The following LRRC8B variants were observed in gnomAD, a reference collection of about 807,000 sequenced individuals.
The protein encoded by LRRC8B is volume-regulated anion channel subunit LRRC8B.
A neutral mutation model predicts 58.8 loss-of-function variants in LRRC8B; 23 were observed. That is an observed-to-expected ratio of 0.39 (90% CI 0.28 to 0.55). The LOEUF (loss-of-function observed/expected upper bound fraction) is 0.55. Among genes scored for constraint, LRRC8B ranks in the 20% least tolerant of loss-of-function variants. The pLI is 0.62. For synonymous variants in LRRC8B, 359 were observed against 374.1 expected (o/e 0.96, Z 0.47); for missense variants, 694 against 936.0 (o/e 0.74, Z 3.37).
At chr1:89,564,846 G>A (rs1652932925) in intron 1 of LRRC8B, among the ~76,000 whole-genome samples, 1 of 152,170 alleles carries the variant, frequency 6.6e-6, no homozygotes, top group Non-Finnish European at 1.5e-5. Flanking sequence ...CATCTTTTGT[G>A]TTTAATAGTC....
At chr1:89,580,165 G>A (rs918918958) in intron 4 of LRRC8B, among the ~76,000 whole-genome samples, 2 of 152,106 alleles carry the variant, frequency 1.3e-5, no homozygotes, top group Non-Finnish European at 2.9e-5. Flanking sequence ...ATAAATTCTC[G>A]GGCTCACCTA....
chr1:89,563,285 C>T (rs1267223045), intron 1 of LRRC8B, among the ~76,000 whole-genome samples: 1 of 152,106 alleles, frequency 6.6e-6, no homozygotes, highest in East Asian at 1.9e-4. Context: ...TATTGTTGTA[C>T]AACCATGATT....
At chr1:89,581,665 A>G (rs969692534) in intron 4 of LRRC8B, among the ~76,000 whole-genome samples, 1 of 152,246 alleles carries the variant, frequency 6.6e-6, no homozygotes, top group Non-Finnish European at 1.5e-5. Context: ...CCTGAAGGCA[A>G]AAGTAATTTA....
intron 3 of LRRC8B, among the ~76,000 whole-genome samples, chr1:89,569,274 G>T (rs774307479): frequency 1.3e-5 from 2 of 152,034 alleles, no homozygotes; most frequent in Non-Finnish European, 2.9e-5. Flanking sequence ...TTTCCATTCT[G>T]ACTCTTTGAG....
chr1:89,578,813 T>C (rs1654030594), intron 3 of LRRC8B, among the ~76,000 whole-genome samples: 1 of 152,182 alleles, frequency 6.6e-6, no homozygotes, highest in Non-Finnish European at 1.5e-5. Context: ...TTCTAGCATT[T>C]TACAATTTTC....
chr1:89,564,156 G>T (rs1296664417), intron 1 of LRRC8B, among the ~76,000 whole-genome samples: 1 of 152,116 alleles, frequency 6.6e-6, no homozygotes, highest in Non-Finnish European at 1.5e-5. Flanking sequence ...TAAATTGTTG[G>T]TAAATGTTTC....
Position 89,597,209 on chromosome 1 carries a change from C to A in LRRC8B, c.*4166C>A, listed in dbSNP as rs1304051576. The A allele has an allele frequency of 6.6e-6, 1 of 152,156 alleles. No homozygotes were observed. Among genetic ancestry groups the A allele is most frequent in the Admixed American group, 6.5e-5 (1 of 15,274 alleles). The allele number at this position is 152,156 out of a possible 1,614,324, so 9.4% of individuals were successfully genotyped here. On this transcript the variant is annotated 3_prime_UTR_variant, in exon 6 of 6. Transcript: ENST00000330947. ...TCTACTACATACCTTTGGTAACAGG[C>A]TACATTCTCTTCAGATTTTTTATAT...
At chr1:89,575,258 A>G (rs1454842237) in intron 3 of LRRC8B, among the ~76,000 whole-genome samples, 1 of 152,176 alleles carries the variant, frequency 6.6e-6, no homozygotes, top group Non-Finnish European at 1.5e-5. Context: ...TTTGGCCAGT[A>G]GATTTTGGTG....
At position 89,586,903 on chromosome 1, in the gene LRRC8B, A is replaced by C. The variant is rs1223170568; in HGVS notation, c.2139+2114A>C. Among the ~76,000 whole-genome samples the C allele has an allele frequency of 4.6e-5, 7 of 152,222 alleles. No individual in the cohort carries two copies. In the East Asian group the frequency reaches 1.3e-3, roughly 29 times the overall value. ...TAAAACTCATCAGAGGACAGCCACC[A>C]GGAAGATGACAACTCTGATGGAATA... is the stretch of plus-strand genomic sequence containing the variant. On this transcript the variant is annotated intron_variant, in intron 5 of 5. Coordinates refer to ENST00000330947, the MANE Select transcript of LRRC8B (RefSeq NM_001369817.2).
At chr1:89,570,668 G>C (rs912438179) in intron 3 of LRRC8B, among the ~76,000 whole-genome samples, 3 of 152,222 alleles carry the variant, frequency 2.0e-5, no homozygotes, top group Non-Finnish European at 4.4e-5. Context: ...TAGGTTGTCT[G>C]TTTACTCTGT....
intron 1 of LRRC8B, among the ~76,000 whole-genome samples, chr1:89,525,676 G>A (rs1649635296): frequency 6.6e-6 from 1 of 152,212 alleles, no homozygotes; most frequent in Admixed American, 6.5e-5. Context: ...CAGAAGGGAG[G>A]AGGCTCAGTA....
chr1:89,528,736 A>G (rs1423044818), intron 1 of LRRC8B, among the ~76,000 whole-genome samples: 2 of 152,178 alleles, frequency 1.3e-5, no homozygotes, highest in Non-Finnish European at 2.9e-5. Flanking sequence ...TATCTACCAT[A>G]TATAAGATGA....
chr1:89,530,653 C>T (rs926467118), intron 1 of LRRC8B, among the ~76,000 whole-genome samples: 4 of 152,072 alleles, frequency 2.6e-5, no homozygotes, highest in South Asian at 2.1e-4. Context: ...AAATCAGTAG[C>T]GCATAAAGCA....
intron 1 of LRRC8B, among the ~76,000 whole-genome samples, chr1:89,536,208 G>A (rs535984439): frequency 6.6e-6 from 1 of 152,284 alleles, no homozygotes; most frequent in Admixed American, 6.5e-5. Context: ...GCAGTAGAGG[G>A]GACAAGCATT....
intron 1 of LRRC8B, among the ~76,000 whole-genome samples, chr1:89,555,600 T>C (rs1389823649): frequency 1.3e-5 from 2 of 152,184 alleles, no homozygotes; most frequent in African/African-American, 4.8e-5. Flanking sequence ...AGGTTTGTGA[T>C]AAATGTTATG....
chr1:89,583,913 G>C lies in LRRC8B; in HGVS notation c.1263G>C (p.Lys421Asn). ...KSKLVKNAQDKIELHLFMLNG... is the reference protein window; with the variant it reads ...KSKLVKNAQDNIELHLFMLNG... ...AGCTTGTGAAAAATGCCCAGGACAA[G>C]ATAGAACTGCATCTTTTTATGCTCA... The change falls in exon 5 of 6, where the codon AAG (lysine) becomes AAC (asparagine). Residue 421 changes from lysine to asparagine, a missense_variant. By Grantham distance (94) the Lys-to-Asn change is moderately conservative. Around this residue, in one of 5 missense-constraint regions of LRRC8B, gnomAD observed 162 missense variants for 198.5 expected, o/e 0.82. Transcript: ENST00000330947. The surrounding 1 kb of genome is among the most constrained non-coding windows in gnomAD (Gnocchi z 5.2). 1 of 1,614,200 alleles carries C rather than the reference G, an allele frequency of 6.2e-7. No individual in the cohort carries two copies.
At position 89,530,041 on chromosome 1, in the gene LRRC8B, T is replaced by C. The variant is rs12032402; in HGVS notation, c.-241+5019T>C. ...CTGCAAACAGATGAGAAGTTGTCAC[T>C]GTGAGGTTGTTATAAAGGAGACATG... On this transcript the variant is annotated intron_variant, in intron 1 of 5. Coordinates refer to ENST00000330947, the MANE Select transcript of LRRC8B (RefSeq NM_001369817.2). Among the ~76,000 whole-genome samples, 173 of 152,150 alleles carry C rather than the reference T, an allele frequency of 1.1e-3. 1 individual carries two copies. In the East Asian group the frequency reaches 0.026, roughly 23 times the overall value.
chr1:89,530,857 C>G (rs1650074903), intron 1 of LRRC8B, among the ~76,000 whole-genome samples: 1 of 152,098 alleles, frequency 6.6e-6, no homozygotes, highest in African/African-American at 2.4e-5. Context: ...TTGGGAGGTG[C>G]CGTTTCTCCT....
chr1:89,567,023 T>G (rs1653091981), intron 1 of LRRC8B, among the ~76,000 whole-genome samples: 1 of 152,196 alleles, frequency 6.6e-6, no homozygotes, highest in African/African-American at 2.4e-5. Context: ...GAGAGAATGT[T>G]TTTGAAGGGG....
Sources: gnomAD v4.1 joint callset for allele counts (sites outside exome capture counted in the v4.1 genomes callset) on GRCh38, gnomAD v4.1.1 for gene constraint, gnomAD v4.1.1 regional missense constraint, Gnocchi (gnomAD v3.1) non-coding constraint, MANE v1.5 for transcripts, NCBI Gene and HGNC (gene_info 2026-07-23, HGNC 2026-07-21) for gene names.